CPB1: variants seen among roughly 807,000 people sequenced by gnomAD.
The protein encoded by CPB1 is carboxypeptidase B.
Under a neutral mutation model 51.4 loss-of-function variants are expected in CPB1, and 53 were observed. The ratio of observed to expected loss-of-function variants is 1.03; its 90% CI spans 0.83 to 1.30. CPB1 has a LOEUF of 1.30. Among genes scored for constraint, CPB1 ranks in the 50% most tolerant of loss-of-function variants. CPB1 has a pLI of 0.00. For synonymous variants in CPB1, 189 were observed against 186.9 expected, an observed-to-expected ratio of 1.01 and a Z score of -0.09; for missense variants, 494 against 516.2, an observed-to-expected ratio of 0.96 and a Z score of 0.42.
chr3:148,842,103 G>A (rs1167855760), intron 6 of CPB1, among the ~76,000 whole-genome samples, 179 bp downstream of exon 6: 1 of 152,140 alleles, frequency 6.6e-6, no homozygotes, highest in Non-Finnish European at 1.5e-5. Context: ...TTCTATTTAT[G>A]GGCCAGGTGC....
rs1576567909 is a variant in CPB1, at chr3:148,836,276, A to T, written c.272+1654A>T. Among the ~76,000 whole-genome samples the T allele has an allele frequency of 2.0e-5, 3 of 152,140 alleles. No homozygotes were observed. The Middle Eastern group carries it at 0.01, about 517-fold the overall frequency. ...TGTCAAAATGTGACCTTAAGAATTG[A>T]CTGTCTTTTTAAAACAAAGATATAA... On this transcript the variant is annotated intron_variant, in intron 3 of 10. Coordinates refer to ENST00000282957, the MANE Select transcript of CPB1 (RefSeq NM_001871.3).
chr3:148,859,420 T>C (rs1194235865), intron 10 of CPB1, among the ~76,000 whole-genome samples: 1 of 152,210 alleles, frequency 6.6e-6, no homozygotes, highest in Non-Finnish European at 1.5e-5. Flanking sequence ...TTCAATCTTA[T>C]CGTTTGGCAC....
In CPB1 at chr3:148,845,517, G is replaced by A. The variant is rs778982431; in HGVS notation, c.872G>A (p.Arg291His). 24 of 1,613,720 alleles carry A rather than the reference G, an allele frequency of 1.5e-5. No individual in the cohort carries two copies. Among genetic ancestry groups the A allele is most frequent in the Admixed American group, 5.0e-5 (3 of 59,976 alleles). ...KETKALADFI[R>H]NKLSSIKAYL... ...ACCAAGGCCCTGGCTGATTTCATCCGCAACAAACTCTCTTCCATCAAGGCA... is the reference window on the plus strand; with the variant it reads ...ACCAAGGCCCTGGCTGATTTCATCCACAACAAACTCTCTTCCATCAAGGCA... Residue 291 changes from arginine (R) to histidine (H), a missense_variant, in exon 9 of 11, where the codon CGC (arginine) becomes CAC (histidine). Transcript: ENST00000282957.
chr3:148,846,988 TG>T (rs1036371244), intron 9 of CPB1, among the ~76,000 whole-genome samples: 7 of 148,002 alleles, frequency 4.7e-5, no homozygotes, highest in Middle Eastern at 3.5e-3. Flanking sequence ...AAAGAGGAGG[TG>T]GGGGTATGTA....
intron 1 of CPB1, 42 bp downstream of exon 1, chr3:148,827,936 T>C (rs772648786): frequency 6.2e-7 from 1 of 1,613,070 alleles, no homozygotes; most frequent in Non-Finnish European, 8.5e-7. Context: ...TCTTCCTTGC[T>C]AGCCCCCAAA....
intron 9 of CPB1, chr3:148,856,574 G>A (rs1008360648): frequency 9.2e-5 from 14 of 152,172 alleles, no homozygotes; most frequent in African/African-American, 2.7e-4. Context: ...TAATTCTCCT[G>A]CAGTAAATAA....
At chr3:148,835,305 A>G (rs1222357323) in intron 3 of CPB1, among the ~76,000 whole-genome samples, 1 of 152,212 alleles carries the variant, frequency 6.6e-6, no homozygotes, top group African/African-American at 2.4e-5. Flanking sequence ...TCAAGTTCCA[A>G]TAAGGACAGA....
chr3:148,831,026 T>C (rs553733300), intron 2 of CPB1, among the ~76,000 whole-genome samples: 1 of 152,326 alleles, frequency 6.6e-6, no homozygotes, highest in Admixed American at 6.5e-5. Context: ...GTGTCCTTCC[T>C]CTCAGCTTTT....
At chr3:148,853,361 C>T (rs562109857) in intron 9 of CPB1, among the ~76,000 whole-genome samples, 17 of 152,232 alleles carry the variant, frequency 1.1e-4, no homozygotes, top group African/African-American at 3.6e-4. Flanking sequence ...ATCATATATT[C>T]GATGGGAATG....
At chr3:148,841,105 G>A (rs1009227966) in intron 5 of CPB1, 130 bp downstream of exon 5, 7 of 650,446 alleles carry the variant, frequency 1.1e-5, no homozygotes, top group Admixed American at 3.0e-5. Flanking sequence ...CTACATCCCC[G>A]AGGGAACCAG....
chr3:148,840,182 A>G (rs977688210), intron 3 of CPB1, among the ~76,000 whole-genome samples: 2 of 152,210 alleles, frequency 1.3e-5, no homozygotes, highest in African/African-American at 4.8e-5. Flanking sequence ...ATTTCCAGAC[A>G]AGATATTTTT....
At position 148,857,444 on chromosome 3, in the gene CPB1, G is replaced by A. The variant is rs1713612337; in HGVS notation, c.982-13G>A. On this transcript the variant is annotated splice_polypyrimidine_tract_variant and intron_variant, in intron 9 of 10. Transcript: ENST00000282957. ...TTTATTTATTTCCTTACTTATTCCTGTTTCTTTTGCAGAATGCCCTGGCTA... is the reference window on the plus strand; with the variant it reads ...TTTATTTATTTCCTTACTTATTCCTATTTCTTTTGCAGAATGCCCTGGCTA... The A allele has an allele frequency of 6.2e-7, 1 of 1,609,482 alleles. No individual in the cohort carries two copies. The highest frequency in any genetic ancestry group is 8.5e-7 in the Non-Finnish European group (1 of 1,176,134).
At chr3:148,829,771 C>A (rs900737079) in intron 2 of CPB1, among the ~76,000 whole-genome samples, 20 of 152,234 alleles carry the variant, frequency 1.3e-4, no homozygotes, top group African/African-American at 3.9e-4. Flanking sequence ...GCCTTCTTTA[C>A]GTTTCACTCA....
intron 9 of CPB1, among the ~76,000 whole-genome samples, chr3:148,849,736 A>G (rs965200955): frequency 1.3e-5 from 2 of 152,266 alleles, no homozygotes; most frequent in Non-Finnish European, 2.9e-5. Context: ...ATTTCTCTGC[A>G]TTAGAAGCAC....
chr3:148,829,787 T>C (rs1477300318), intron 2 of CPB1, among the ~76,000 whole-genome samples: 1 of 152,180 alleles, frequency 6.6e-6, no homozygotes, highest in African/African-American at 2.4e-5. Context: ...ACTCATTCAG[T>C]ACATATTTAT....
At chr3:148,830,073 C>G (rs1712688727) in intron 2 of CPB1, among the ~76,000 whole-genome samples, 1 of 152,206 alleles carries the variant, frequency 6.6e-6, no homozygotes, top group African/African-American at 2.4e-5. Context: ...TTAAACCATA[C>G]TGGCTCCCAG....
At position 148,846,797 on chromosome 3, in the gene CPB1, G is replaced by GTGTATATATATA. The variant is rs1364486523; in HGVS notation, c.981+1172_981+1173insGTATATATATAT. 3.7e-3 allele frequency among the ~76,000 whole-genome samples: 188 copies of GTGTATATATATA among 50,420 alleles called. 9 individuals are homozygous for GTGTATATATATA. The highest frequency in any genetic ancestry group is 5.7e-3 in the Non-Finnish European group (133 of 23,354). 33.1% of individuals were successfully genotyped at this position (50,420 alleles called of 152,430 possible). ...CACATATATATGTGTGTGTGCGTGT[G>GTGTATATATATA]TATATATATATATATATATATATAT... On this transcript the variant is annotated intron_variant, in intron 9 of 10. Coordinates refer to ENST00000282957, the MANE Select transcript of CPB1 (RefSeq NM_001871.3).
intron 9 of CPB1, among the ~76,000 whole-genome samples, chr3:148,853,597 T>C (rs1559961820): frequency 6.6e-6 from 1 of 152,182 alleles, no homozygotes; most frequent in Non-Finnish European, 1.5e-5. Context: ...TAGCTAAGGA[T>C]TAATAAAGGC....
Position 148,844,503 on chromosome 3 carries a change from T to A in CPB1, c.602T>A (p.Ile201Asn). 1 of 1,613,868 alleles carries A rather than the reference T, an allele frequency of 6.2e-7. No homozygotes were observed. Among genetic ancestry groups the A allele is most frequent in the Non-Finnish European group, 8.5e-7 (1 of 1,179,812 alleles). Reference sequence around the variant, plus strand: ...GCTGTTCGTACCTATGGACGTGAGATCCAAGTGACAGAGCTTCTCGACAAG... The same window carrying A: ...GCTGTTCGTACCTATGGACGTGAGAACCAAGTGACAGAGCTTCTCGACAAG... ...REAVRTYGRE[I>N]QVTELLDKLD... The change falls in exon 7 of 11, where the codon ATC (isoleucine) becomes AAC (asparagine). Residue 201 changes from isoleucine (I) to asparagine (N), a missense_variant. Transcript: ENST00000282957.
Sources: allele counts gnomAD v4.1 joint callset (sites outside exome capture counted in the v4.1 genomes callset), GRCh38; gene constraint gnomAD v4.1.1; transcripts MANE v1.5; gene names NCBI Gene and HGNC (gene_info 2026-07-23, HGNC 2026-07-21).